Variants in PRDM16 observed in about 807,000 individuals in gnomAD.
The protein encoded by PRDM16 is histone-lysine N-methyltransferase PRDM16.
PRDM16 carries 23 observed loss-of-function variants against 110.6 expected under a neutral mutation model. The observed-to-expected ratio is 0.21, with a 90% CI of 0.15 to 0.29. PRDM16 has a LOEUF of 0.29. Among genes scored for constraint, PRDM16 ranks in the 10% least tolerant of loss-of-function variants. PRDM16 has a pLI of 1.00. For synonymous variants in PRDM16, 799 were observed against 781.8 expected, an observed-to-expected ratio of 1.02 and a Z score of -0.37; for missense variants, 1,615 against 1,794.3, an observed-to-expected ratio of 0.90 and a Z score of 1.81.
chr1:3,230,063 C>T (rs1282445364), intron 2 of PRDM16, among the ~76,000 whole-genome samples: 1 of 152,222 alleles, frequency 6.6e-6, no homozygotes, highest in African/African-American at 2.4e-5. Flanking sequence ...AACGCGCATC[C>T]CCCTGCAGCT....
At chr1:3,363,875 C>A (rs905142753) in intron 3 of PRDM16, among the ~76,000 whole-genome samples, 18 of 152,196 alleles carry the variant, frequency 1.2e-4, no homozygotes, top group Admixed American at 1.3e-4. Flanking sequence ...GCAGCTCCCA[C>A]CTCCAGCTAA....
At chr1:3,277,732 CGCACACACGCACACGCACACACAT>C (rs1172641508) in intron 3 of PRDM16, among the ~76,000 whole-genome samples, 1 of 149,296 alleles carries the variant, frequency 6.7e-6, no homozygotes, top group Admixed American at 6.7e-5. Flanking sequence ...CACACACGCG[CGCACACACGCACACGCACACACAT>C]GCACACACGC....
At chr1:3,076,035 C>G (rs370582245) in intron 1 of PRDM16, among the ~76,000 whole-genome samples, 48 of 152,316 alleles carry the variant, frequency 3.2e-4, no homozygotes, top group African/African-American at 1.1e-3. Flanking sequence ...GAACCAGGAG[C>G]AGCCTCTGCT....
chr1:3,156,816 A>AG (rs1311219510), intron 1 of PRDM16, among the ~76,000 whole-genome samples: 1 of 152,038 alleles, frequency 6.6e-6, no homozygotes, highest in African/African-American at 2.4e-5. Flanking sequence ...TAGCTCTTCG[A>AG]GGGGGGAAGC....
At chr1:3,400,173 C>T (rs1011663796) in intron 5 of PRDM16, among the ~76,000 whole-genome samples, 47 of 152,384 alleles carry the variant, frequency 3.1e-4, no homozygotes, top group Non-Finnish European at 5.9e-5. Flanking sequence ...AGGCCCACTG[C>T]TCCACCTCTT....
In PRDM16 at chr1:3,242,409, G is replaced by A. The variant is rs118047044; in HGVS notation, c.388-1678G>A. On this transcript the variant is annotated intron_variant, in intron 2 of 16. Transcript: ENST00000270722. Reference sequence around the variant, plus strand: ...CGGCGGGATCTGTCCTTCTACTCTCGAGAGCTCCAGCACCACCACTGGGAC... The same window carrying A: ...CGGCGGGATCTGTCCTTCTACTCTCAAGAGCTCCAGCACCACCACTGGGAC... 1.7e-4 allele frequency among the ~76,000 whole-genome samples: 26 copies of A among 152,224 alleles called. No homozygotes were observed. The East Asian group carries it at 4.6e-3, about 27-fold the overall frequency.
chr1:3,230,065 C>T (rs1490919836), intron 2 of PRDM16, among the ~76,000 whole-genome samples: 2 of 152,240 alleles, frequency 1.3e-5, no homozygotes, highest in Admixed American at 1.3e-4. Flanking sequence ...CGCGCATCCC[C>T]CTGCAGCTCT....
intron 3 of PRDM16, among the ~76,000 whole-genome samples, chr1:3,378,049 T>G (rs947341995): frequency 6.6e-6 from 1 of 152,156 alleles, no homozygotes; most frequent in African/African-American, 2.4e-5. Flanking sequence ...GCACCCAGGT[T>G]GGAAAGGCTG....
intron 3 of PRDM16, among the ~76,000 whole-genome samples, chr1:3,348,202 G>A (rs1642403122): frequency 6.6e-6 from 1 of 152,192 alleles, no homozygotes; most frequent in Non-Finnish European, 1.5e-5. Context: ...CCCCTGAACA[G>A]TTCTGCAGGG....
intron 1 of PRDM16, among the ~76,000 whole-genome samples, chr1:3,098,729 G>A (rs1186167321): frequency 1.3e-5 from 2 of 152,218 alleles, no homozygotes; most frequent in Non-Finnish European, 2.9e-5. Flanking sequence ...GGAACAAGGG[G>A]GTTTTCAGTC....
At chr1:3,077,257 G>A (rs540454352) in intron 1 of PRDM16, among the ~76,000 whole-genome samples, 7 of 152,248 alleles carry the variant, frequency 4.6e-5, no homozygotes, top group Non-Finnish European at 8.8e-5. Flanking sequence ...CACAAGCTCA[G>A]GAGCATCCCA....
intron 3 of PRDM16, among the ~76,000 whole-genome samples, chr1:3,282,671 C>T (rs1640734176): frequency 6.6e-6 from 1 of 152,242 alleles, no homozygotes. Flanking sequence ...GAGCAGGCAT[C>T]TCCCGAGACC....
At chr1:3,268,876 T>C (rs1018143423) in intron 3 of PRDM16, among the ~76,000 whole-genome samples, 3 of 152,208 alleles carry the variant, frequency 2.0e-5, no homozygotes, top group Admixed American at 2.0e-4. Context: ...CGTGGGAGGC[T>C]TCCCCATGCT....
rs1642543308 is a variant in PRDM16, at chr1:3,353,937, C to T, written c.439-31215C>T. 6.6e-6 allele frequency among the ~76,000 whole-genome samples: 1 copy of T among 152,146 alleles called. No homozygotes were observed. On this transcript the variant is annotated intron_variant, in intron 3 of 16. Transcript: ENST00000270722. The surrounding 1 kb of genome is among the most constrained non-coding windows in gnomAD (Gnocchi z 5.4). ...ACACACATGTGGATGCAGGGCTGCC[C>T]ACCCAACACTGCTGAGCCCACACAG...
intron 2 of PRDM16, among the ~76,000 whole-genome samples, chr1:3,225,376 G>C (rs1379741037): frequency 2.6e-5 from 4 of 152,144 alleles, no homozygotes; most frequent in African/African-American, 9.7e-5. Context: ...TTTGCACCCA[G>C]GTCTCCTCTC....
Position 3,080,345 on chromosome 1 carries a change from A to G in PRDM16, c.37+11049A>G, listed in dbSNP as rs1487749775. On this transcript the variant is annotated intron_variant, in intron 1 of 16. Transcript: ENST00000270722. The surrounding 1 kb of genome is among the most constrained non-coding windows in gnomAD (Gnocchi z 5.2). ...GTACAGCGAGTGACTGACAGAATACAAATGGTGCCACGAAGCACCGGGGAT... is the reference window on the plus strand; with the variant it reads ...GTACAGCGAGTGACTGACAGAATACGAATGGTGCCACGAAGCACCGGGGAT... 1.3e-5 allele frequency among the ~76,000 whole-genome samples: 2 copies of G among 152,248 alleles called. No individual in the cohort carries two copies. Among genetic ancestry groups the G allele is most frequent in the East Asian group, 1.9e-4 (1 of 5,188 alleles).
At position 3,080,855 on chromosome 1, in the gene PRDM16, G is replaced by A. The variant is rs1295566264; in HGVS notation, c.37+11559G>A. 3.9e-5 allele frequency among the ~76,000 whole-genome samples: 6 copies of A among 152,110 alleles called. No individual in the cohort carries two copies. Among genetic ancestry groups the A allele is most frequent in the Admixed American group, 2.6e-4 (4 of 15,274 alleles). On this transcript the variant is annotated intron_variant, in intron 1 of 16. Coordinates refer to ENST00000270722, the MANE Select transcript of PRDM16 (RefSeq NM_022114.4). The surrounding 1 kb of genome is among the most constrained non-coding windows in gnomAD (Gnocchi z 5.2). ...AGAGCCCCAGAGACTCGGCGTCTCC[G>A]ACCCTGAGCCCACATGAGTAGCAGA...
rs549908984 is a variant in PRDM16 at position 3,150,126 on chromosome 1, C to T, written c.38-35999C>T. Reference sequence around the variant, plus strand: ...CTGAATCTGCTGGAATCCCCCCGAACGCACAGGCGAACTTTACAAGCCTCG... The same window carrying T: ...CTGAATCTGCTGGAATCCCCCCGAATGCACAGGCGAACTTTACAAGCCTCG... On this transcript the variant is annotated intron_variant, in intron 1 of 16. Transcript: ENST00000270722. 7.6e-4 allele frequency among the ~76,000 whole-genome samples: 116 copies of T among 152,224 alleles called. 3 individuals carry two copies. The South Asian group carries it at 0.017, about 23-fold the overall frequency.
intron 1 of PRDM16, among the ~76,000 whole-genome samples, chr1:3,096,809 C>T (rs1642411675): frequency 6.6e-6 from 1 of 152,204 alleles, no homozygotes; most frequent in Non-Finnish European, 1.5e-5. Context: ...TTTCCCAGTG[C>T]CTGTCTTTCC....
Sources: allele counts gnomAD v4.1 joint callset (sites outside exome capture counted in the v4.1 genomes callset), GRCh38; gene constraint gnomAD v4.1.1; non-coding constraint Gnocchi (gnomAD v3.1); transcripts MANE v1.5; gene names NCBI Gene and HGNC (gene_info 2026-07-23, HGNC 2026-07-21).